The following PPP1R12B variants were observed in gnomAD, a reference collection of about 807,000 sequenced individuals.
PPP1R12B encodes myosin phosphatase target subunit 2.
PPP1R12B carries 76 observed loss-of-function variants against 126.1 expected under a neutral mutation model. The observed-to-expected ratio is 0.60, with a 90% CI of 0.50 to 0.73. PPP1R12B has a LOEUF of 0.73. Among genes scored for constraint, PPP1R12B ranks in the 30% least tolerant of loss-of-function variants. PPP1R12B has a pLI of 0.00. For missense variants in PPP1R12B, 1,052 were observed against 1,205.1 expected, an observed-to-expected ratio of 0.87 and a Z score of 1.88; for synonymous variants, 356 against 434.7, an observed-to-expected ratio of 0.82 and a Z score of 2.25.
chr1:202,449,879 G>C (rs1231705877), intron 13 of PPP1R12B, among the ~76,000 whole-genome samples: 2 of 151,266 alleles, frequency 1.3e-5, no homozygotes, highest in Admixed American at 1.3e-4. Flanking sequence ...GTAGAGACGG[G>C]GTTTCACCAT....
chr1:202,456,277 A>AAAAGAAAGAAAG (rs530699602), intron 13 of PPP1R12B, among the ~76,000 whole-genome samples: 1 of 151,914 alleles, frequency 6.6e-6, no homozygotes, highest in East Asian at 1.9e-4. Flanking sequence ...TCAAAAAAAA[A>AAAAGAAAGAAAG]AAAGAAAGAA....
intron 23 of PPP1R12B, among the ~76,000 whole-genome samples, chr1:202,579,284 C>G (rs1204681727): frequency 6.6e-6 from 1 of 152,132 alleles, no homozygotes; most frequent in Non-Finnish European, 1.5e-5. Flanking sequence ...AATAGCAGAG[C>G]CAGAGCTAGA....
At chr1:202,371,039 T>G (rs1482958539) in intron 1 of PPP1R12B, among the ~76,000 whole-genome samples, 1 of 141,492 alleles carries the variant, frequency 7.1e-6, no homozygotes, top group East Asian at 2.3e-4. Context: ...AGAGTCTCTC[T>G]CTGTCTCACT....
intron 13 of PPP1R12B, among the ~76,000 whole-genome samples, chr1:202,467,855 T>C (rs1173355507): frequency 2.6e-5 from 4 of 152,306 alleles, no homozygotes; most frequent in African/African-American, 7.2e-5. Flanking sequence ...GTAAAAGTGT[T>C]CCTATTTCTC....
At chr1:202,450,929 A>G (rs1275326185) in intron 13 of PPP1R12B, among the ~76,000 whole-genome samples, 3 of 152,106 alleles carry the variant, frequency 2.0e-5, no homozygotes, top group Non-Finnish European at 2.9e-5. Flanking sequence ...ATTGTATTGA[A>G]TCTGTAGATT....
chr1:202,358,039 T>C (rs1657429059), intron 1 of PPP1R12B, among the ~76,000 whole-genome samples: 1 of 152,172 alleles, frequency 6.6e-6, no homozygotes, highest in African/African-American at 2.4e-5. Context: ...TGGAGGAGAA[T>C]TACATATATA....
chr1:202,555,828 C>T (rs1686867591), intron 18 of PPP1R12B, among the ~76,000 whole-genome samples: 1 of 151,644 alleles, frequency 6.6e-6, no homozygotes, highest in Non-Finnish European at 1.5e-5. Context: ...ACCAAAGGTA[C>T]GAAGTTTTAA....
At chr1:202,576,840 G>C (rs1412830806) in intron 23 of PPP1R12B, 1 of 148,048 alleles carries the variant, frequency 6.8e-6, no homozygotes, top group African/African-American at 2.5e-5. Flanking sequence ...AAAAAAAACT[G>C]AGTCACAGAT....
intron 13 of PPP1R12B, among the ~76,000 whole-genome samples, chr1:202,474,369 G>A (rs1317336065): frequency 1.3e-5 from 2 of 151,452 alleles, no homozygotes; most frequent in Non-Finnish European, 2.9e-5. Context: ...TGCAACCTCT[G>A]CCTTCCAGGT....
chr1:202,539,507 TC>T (rs1427742499), intron 18 of PPP1R12B, among the ~76,000 whole-genome samples: 1 of 152,222 alleles, frequency 6.6e-6, no homozygotes, highest in Non-Finnish European at 1.5e-5. Context: ...AAACTTGACT[TC>T]CTCAGACTGC....
chr1:202,416,097 A>T (rs1036457271), intron 1 of PPP1R12B, among the ~76,000 whole-genome samples: 1 of 152,240 alleles, frequency 6.6e-6, no homozygotes, highest in Non-Finnish European at 1.5e-5. Context: ...GCAGTGAAAT[A>T]AAATAAAATT....
Position 202,495,644 on chromosome 1 carries a change from C to T in PPP1R12B, c.2410C>T (p.Arg804Ter), listed in dbSNP as rs1293881866. The T allele has an allele frequency of 3.7e-6, 6 of 1,614,018 alleles. No homozygotes were observed. The highest frequency in any genetic ancestry group is 2.2e-5 in the South Asian group (2 of 91,068). Reference sequence around the variant, plus strand: ...CCGAGAGAGGAGGCGGCCCAAGGAACGACGAAGAGGCACAGGCATCAATTT... The same window carrying T: ...CCGAGAGAGGAGGCGGCCCAAGGAATGACGAAGAGGCACAGGCATCAATTT... ...SIRERRRPKERRRGTGINFWT... is the reference protein window; with the variant it reads ...SIRERRRPKE Residue 804 changes from arginine (R) to a stop codon, truncating the protein, a stop_gained, in exon 17 of 24, where the codon CGA (arginine) becomes TGA (stop). Coordinates refer to ENST00000608999, the MANE Select transcript of PPP1R12B (RefSeq NM_002481.4). LOFTEE classifies it high-confidence loss of function.
chr1:202,411,940 C>T (rs181148941), intron 1 of PPP1R12B, among the ~76,000 whole-genome samples: 1 of 152,304 alleles, frequency 6.6e-6, no homozygotes, highest in Non-Finnish European at 1.5e-5. Flanking sequence ...GCTGGGACTA[C>T]AGGTGTGAGC....
At chr1:202,396,145 CA>C (rs1027210866) in intron 1 of PPP1R12B, among the ~76,000 whole-genome samples, 2 of 151,922 alleles carry the variant, frequency 1.3e-5, no homozygotes, top group African/African-American at 4.8e-5. Context: ...ATCACTGCAC[CA>C]AAAAAACCCT....
chr1:202,474,290 ATTTTTTT>A (rs752137864), intron 13 of PPP1R12B, among the ~76,000 whole-genome samples: 3 of 144,120 alleles, frequency 2.1e-5, no homozygotes, highest in Admixed American at 6.9e-5. Flanking sequence ...AACAAATTGC[ATTTTTTT>A]TTTTTTTGAG....
intron 1 of PPP1R12B, among the ~76,000 whole-genome samples, chr1:202,414,495 G>T (rs938294987): frequency 6.6e-6 from 1 of 152,166 alleles, no homozygotes; most frequent in Non-Finnish European, 1.5e-5. Context: ...CAACAAATCA[G>T]ATTTGTTGAT....
chr1:202,493,386 A>G (rs1679147213), intron 15 of PPP1R12B, 69 bp downstream of exon 15: 6 of 1,465,980 alleles, frequency 4.1e-6, no homozygotes, highest in Non-Finnish European at 4.6e-6. Context: ...TATCTTCTTC[A>G]CTGGTAGTTC....
chr1:202,457,286 A>C (rs187266167), intron 13 of PPP1R12B, among the ~76,000 whole-genome samples: 39 of 152,330 alleles, frequency 2.6e-4, no homozygotes, highest in Non-Finnish European at 4.3e-4. Context: ...CCAGTAGCTC[A>C]CACCTGTAAT....
At chr1:202,424,058 T>A (rs1408292236) in intron 3 of PPP1R12B, among the ~76,000 whole-genome samples, 1 of 152,206 alleles carries the variant, frequency 6.6e-6, no homozygotes, top group African/African-American at 2.4e-5. Flanking sequence ...CTCCTAAGAT[T>A]TGCTTTAAAA....
Sources: gnomAD v4.1 joint callset for allele counts (sites outside exome capture counted in the v4.1 genomes callset) on GRCh38, gnomAD v4.1.1 for gene constraint, MANE v1.5 for transcripts, NCBI Gene and HGNC (gene_info 2026-07-23, HGNC 2026-07-21) for gene names.